RAI14: variants seen among roughly 807,000 people sequenced by gnomAD.
RAI14 encodes the protein retinoic acid induced 14, also known as ankycorbin.
In RAI14, 45 loss-of-function variants were observed where a neutral mutation model predicts 115.4. That is an observed-to-expected ratio of 0.39 (90% CI 0.31 to 0.50). The LOEUF (loss-of-function observed/expected upper bound fraction) is 0.50. Among genes scored for constraint, RAI14 ranks in the 20% least tolerant of loss-of-function variants. The pLI is 0.85. For synonymous variants in RAI14, 371 were observed against 415.4 expected (o/e 0.89, Z 1.30); for missense variants, 939 against 1,131.2 (o/e 0.83, Z 2.44).
At chr5:34,808,259 G>A (rs367972156) in intron 6 of RAI14, among the ~76,000 whole-genome samples, 2 of 152,160 alleles carry the variant, frequency 1.3e-5, no homozygotes, top group East Asian at 1.9e-4. Context: ...AGTGACAAAC[G>A]TTGACACTGA....
intron 3 of RAI14, among the ~76,000 whole-genome samples, chr5:34,792,172 T>C (rs1402475349): frequency 6.6e-6 from 1 of 152,084 alleles, no homozygotes; most frequent in African/African-American, 2.4e-5. Flanking sequence ...TCTGGAGAAA[T>C]GAATCATACA....
intron 2 of RAI14, among the ~76,000 whole-genome samples, chr5:34,697,456 A>G (rs565161442): frequency 1.3e-5 from 2 of 152,168 alleles, no homozygotes; most frequent in Non-Finnish European, 2.9e-5. Flanking sequence ...AAAGAAAAAA[A>G]AAAAAAGAAA....
At chr5:34,781,139 G>T (rs781469664) in intron 3 of RAI14, among the ~76,000 whole-genome samples, 1 of 147,690 alleles carries the variant, frequency 6.8e-6, no homozygotes, top group Admixed American at 7.0e-5. Context: ...ACCAAGCACC[G>T]CATGTTCTCA....
At chr5:34,819,388 G>A (rs1580360140) in intron 13 of RAI14, among the ~76,000 whole-genome samples, 2 of 152,106 alleles carry the variant, frequency 1.3e-5, no homozygotes, top group Non-Finnish European at 2.9e-5. Flanking sequence ...TCTGCTAAAC[G>A]CGTTCTTTGC....
Position 34,823,515 on chromosome 5 carries a change from A to G in RAI14, c.1673A>G (p.Glu558Gly). The change falls in exon 15 of 18, where the codon GAA becomes GGA. Residue 558 changes from glutamate (E) to glycine (G), a missense_variant. Physicochemically the swap from Glu to Gly is moderately conservative, Grantham distance 98. Transcript: ENST00000265109. This position sits in a 1 kb window ranked among gnomAD's most constrained non-coding sequence, Gnocchi z 4.5. ...RNKEKVRELE[E>G]KLVEREKGTV... The stretch of plus-strand genomic sequence containing the variant: ...AAAGAGAAAGTGAGAGAGTTAGAGG[A>G]AAAACTGGTAGAGAGGGAGAAAGGT... 1 of 1,614,138 alleles carries G rather than the reference A, an allele frequency of 6.2e-7. No individual in the cohort carries two copies. The highest frequency in any genetic ancestry group is 8.5e-7 in the Non-Finnish European group (1 of 1,180,012).
intron 4 of RAI14, 21 bp downstream of exon 4, chr5:34,796,048 T>C (rs1366224397): frequency 6.4e-7 from 1 of 1,570,732 alleles, no homozygotes. Flanking sequence ...TTTAGTCTCT[T>C]AAGTCAGCAG....
At chr5:34,756,929 G>A (rs985700307) in intron 2 of RAI14, among the ~76,000 whole-genome samples, 2 of 152,222 alleles carry the variant, frequency 1.3e-5, no homozygotes, top group Non-Finnish European at 2.9e-5. Context: ...TGTTGAGTCG[G>A]TAGCCTGGAC....
chr5:34,742,458 A>G (rs74627517), intron 2 of RAI14, among the ~76,000 whole-genome samples: 1,839 of 152,326 alleles, frequency 0.012, 26 homozygotes, highest in African/African-American at 0.043. Context: ...TCAGACACCT[A>G]GGTGATTCTA....
chr5:34,822,922 T>C (rs1757048721), intron 14 of RAI14, 34 bp from the exon 15 acceptor site: 2 of 1,534,626 alleles, frequency 1.3e-6, no homozygotes, highest in African/African-American at 1.4e-5. Context: ...CTCCTGACCT[T>C]TGATATCATT....
intron 2 of RAI14, among the ~76,000 whole-genome samples, chr5:34,714,671 T>C (rs1423199819): frequency 6.6e-6 from 1 of 152,214 alleles, no homozygotes; most frequent in East Asian, 1.9e-4. Flanking sequence ...AGCAGGAATA[T>C]TTAACATGAA....
At chr5:34,774,314 T>A (rs1485345173) in intron 3 of RAI14, among the ~76,000 whole-genome samples, 1 of 151,980 alleles carries the variant, frequency 6.6e-6, no homozygotes, top group Non-Finnish European at 1.5e-5. Flanking sequence ...GAGGTTGCAG[T>A]GAGCCGAGAT....
chr5:34,735,608 A>G (rs1744765456), intron 2 of RAI14, among the ~76,000 whole-genome samples: 1 of 152,230 alleles, frequency 6.6e-6, no homozygotes, highest in South Asian at 2.1e-4. Flanking sequence ...TAACTTTGAA[A>G]GTTGTTGTAG....
intron 3 of RAI14, among the ~76,000 whole-genome samples, chr5:34,780,245 T>C (rs558925647): frequency 1.3e-5 from 2 of 152,266 alleles, no homozygotes; most frequent in East Asian, 3.9e-4. Context: ...AAGACTTAAA[T>C]GTTAGACCTA....
At position 34,728,153 on chromosome 5, in the gene RAI14, G is replaced by T. The variant is rs559324088; in HGVS notation, c.37-29315G>T. Among the ~76,000 whole-genome samples, 9 of 152,298 alleles carry T rather than the reference G, an allele frequency of 5.9e-5. No homozygotes were observed. In the East Asian group the frequency reaches 1.7e-3, roughly 29 times the overall value. ...TGTTTTGGCCAATTTCTCCCATTTG[G>T]AAGGGCTATATTTACTCAATGTCTG... On this transcript the variant is annotated intron_variant, in intron 2 of 17. Transcript: ENST00000265109.
At chr5:34,794,315 C>T (rs1410370516) in intron 3 of RAI14, among the ~76,000 whole-genome samples, 2 of 150,224 alleles carry the variant, frequency 1.3e-5, no homozygotes, top group East Asian at 3.9e-4. Flanking sequence ...CCCAGCTATT[C>T]AGTAGGCTGA....
chr5:34,677,974 C>A (rs1744109216), intron 1 of RAI14, among the ~76,000 whole-genome samples: 1 of 152,168 alleles, frequency 6.6e-6, no homozygotes, highest in South Asian at 2.1e-4. Flanking sequence ...CCCTACTTCA[C>A]CCTGCTACCC....
At chr5:34,809,796 T>TA (rs1755367817) in intron 7 of RAI14, among the ~76,000 whole-genome samples, 1 of 152,232 alleles carries the variant, frequency 6.6e-6, no homozygotes, top group Non-Finnish European at 1.5e-5. Flanking sequence ...ATAGAAATTT[T>TA]ACTACTTTCT....
chr5:34,736,507 A>G (rs554333653), intron 2 of RAI14, among the ~76,000 whole-genome samples: 1 of 152,106 alleles, frequency 6.6e-6, no homozygotes, highest in Non-Finnish European at 1.5e-5. Flanking sequence ...CATTAAGTAG[A>G]CTGATATTCA....
Position 34,675,495 on chromosome 5 carries a change from G to A in RAI14, c.-48-11377G>A, listed in dbSNP as rs141738396. Among the ~76,000 whole-genome samples the A allele has an allele frequency of 3.6e-3, 545 of 152,330 alleles. 5 individuals are homozygous for A. The highest frequency in any genetic ancestry group is 0.012 in the African/African-American group (512 of 41,564). ...TGGCCAGGCGTGGTGGCTCATGCCT[G>A]TAATCCCAGCACTTTGGGAGGCACA... On this transcript the variant is annotated intron_variant, in intron 1 of 17. Coordinates refer to ENST00000265109, the MANE Select transcript of RAI14 (RefSeq NM_015577.3).
Sources: gnomAD v4.1 joint callset for allele counts (sites outside exome capture counted in the v4.1 genomes callset) on GRCh38, gnomAD v4.1.1 for gene constraint, Gnocchi (gnomAD v3.1) non-coding constraint, MANE v1.5 for transcripts, NCBI Gene and HGNC (gene_info 2026-07-23, HGNC 2026-07-21) for gene names.